The following ASAH2 variants were observed in gnomAD, a reference collection of about 807,000 sequenced individuals.
ASAH2 encodes N-acylsphingosine amidohydrolase 2.
ASAH2 carries 58 observed loss-of-function variants against 82.9 expected under a neutral mutation model. The observed-to-expected ratio is 0.70, with a 90% confidence interval of 0.57 to 0.87. ASAH2 has a LOEUF of 0.87. Among genes scored for constraint, ASAH2 ranks in the 40% least tolerant of loss-of-function variants. The pLI, the probability that ASAH2 is intolerant of heterozygous loss-of-function variation, is 0.00. For synonymous variants in ASAH2, 276 were observed against 289.7 expected (o/e 0.95, Z 0.48); for missense variants, 779 against 834.0 (o/e 0.93, Z 0.81).
In ASAH2 at chr10:50,235,989, G is replaced by A. The variant is rs1179935926; in HGVS notation, c.586C>T (p.His196Tyr). The change falls in exon 5 of 21, where the codon CAT (histidine) becomes TAT (tyrosine). Residue 196 changes from histidine (H) to tyrosine (Y), a missense_variant. This residue lies in a region of ASAH2 where 759 missense variants were observed against 755.2 expected (regional missense o/e 1.00). Transcript: ENST00000682911. Reference protein sequence around the residue: ...DNVILSGTHTHSGPAGYFQYT... With the variant: ...DNVILSGTHTYSGPAGYFQYT... ...TGGAAATATCCTGCAGGACCTGAAT[G>A]AGTGTGAGTGCCACTCAGGATGACA... 3 of 1,613,148 alleles carry A rather than the reference G, an allele frequency of 1.9e-6. No homozygotes were observed. Among genetic ancestry groups the A allele is most frequent in the African/African-American group, 2.7e-5 (2 of 74,870 alleles).
intron 16 of ASAH2, 42 bp downstream of exon 16, chr10:50,202,787 T>C (rs1845187817): frequency 1.6e-6 from 2 of 1,275,250 alleles, no homozygotes; most frequent in Non-Finnish European, 2.3e-6. Flanking sequence ...TAGTCTTTAC[T>C]GGGGTATAAT....
At chr10:50,210,414 A>T (rs1845421941) in intron 12 of ASAH2, among the ~76,000 whole-genome samples, 1 of 151,998 alleles carries the variant, frequency 6.6e-6, no homozygotes, top group Non-Finnish European at 1.5e-5. Context: ...GCAGGAGAAT[A>T]GCTTGAACTT....
chr10:50,222,846 A>G (rs1228695657), intron 7 of ASAH2, among the ~76,000 whole-genome samples: 1 of 152,182 alleles, frequency 6.6e-6, no homozygotes, highest in Non-Finnish European at 1.5e-5. Context: ...CAGTACTTAT[A>G]TTTTATTTTA....
At chr10:50,210,938 G>GA in intron 11 of ASAH2, 34 bp from the exon 12 acceptor site, 1 of 1,608,688 alleles carries the variant, frequency 6.2e-7, no homozygotes, top group Non-Finnish European at 8.5e-7. Flanking sequence ...AAACAAAAAT[G>GA]AAAAAGACAA....
intron 4 of ASAH2, 106 bp from the exon 5 acceptor site, chr10:50,236,170 T>C (rs1846155129): frequency 4.1e-6 from 4 of 964,434 alleles, no homozygotes; most frequent in East Asian, 4.8e-5. Flanking sequence ...ATAACATCTG[T>C]ATTAGTCCAT....
chr10:50,208,595 A>ATT (rs1845371681), intron 12 of ASAH2, among the ~76,000 whole-genome samples: 1 of 150,838 alleles, frequency 6.6e-6, no homozygotes, highest in Non-Finnish European at 1.5e-5. Context: ...ATAAACAACA[A>ATT]AAAATACAAA....
intron 9 of ASAH2, among the ~76,000 whole-genome samples, chr10:50,214,013 G>T (rs1250773522): frequency 1.3e-5 from 2 of 152,098 alleles, no homozygotes; most frequent in African/African-American, 4.8e-5. Flanking sequence ...AACATTGTGG[G>T]AGTTAAATAA....
intron 8 of ASAH2, among the ~76,000 whole-genome samples, chr10:50,217,011 G>T (rs1335510973): frequency 6.6e-6 from 1 of 152,120 alleles, no homozygotes; most frequent in African/African-American, 2.4e-5. Context: ...TTGTGGCATT[G>T]CTGAGAGCTG....
chr10:50,208,380 A>T (rs1050352126), intron 12 of ASAH2, among the ~76,000 whole-genome samples: 2 of 152,058 alleles, frequency 1.3e-5, no homozygotes, highest in African/African-American at 4.8e-5. Flanking sequence ...TTTCTATTTT[A>T]AGATGACATG....
Position 50,218,496 on chromosome 10 carries a change from A to G in ASAH2, c.1014+14T>C. On this transcript the variant is annotated intron_variant, in intron 8 of 20. Coordinates refer to ENST00000682911, the MANE Select transcript of ASAH2 (RefSeq NM_019893.4). ...GTGAATCAAGATGAAGCTTTCAATGATATAAATTCTCACCTGTCCAGGTAG... is the reference window on the plus strand; with the variant it reads ...GTGAATCAAGATGAAGCTTTCAATGGTATAAATTCTCACCTGTCCAGGTAG... 1.2e-6 allele frequency: 2 copies of G among 1,613,752 alleles called. No homozygotes were observed. The highest frequency in any genetic ancestry group is 1.7e-6 in the Non-Finnish European group (2 of 1,179,710).
chr10:50,211,872 C>A (rs1036061990), intron 10 of ASAH2, among the ~76,000 whole-genome samples: 1 of 152,040 alleles, frequency 6.6e-6, no homozygotes, highest in South Asian at 2.1e-4. Flanking sequence ...CTGCAGCCTG[C>A]CACTCTTAAT....
intron 18 of ASAH2, among the ~76,000 whole-genome samples, chr10:50,195,562 G>A (rs1423869798): frequency 1.3e-5 from 2 of 151,252 alleles, no homozygotes; most frequent in Non-Finnish European, 3.0e-5. Context: ...GAAAGGAAAT[G>A]AAATCAGTTT....
chr10:50,237,737 CT>C (rs994211952), intron 4 of ASAH2, among the ~76,000 whole-genome samples: 1 of 152,136 alleles, frequency 6.6e-6, no homozygotes, highest in African/African-American at 2.4e-5. Context: ...GCTGATTATG[CT>C]TTAATAAGCT....
chr10:50,221,062 C>T (rs1460296813), intron 7 of ASAH2, among the ~76,000 whole-genome samples: 4 of 152,084 alleles, frequency 2.6e-5, no homozygotes, highest in Non-Finnish European at 5.9e-5. Flanking sequence ...TGAATTCAGT[C>T]CCTGACATGG....
intron 17 of ASAH2, among the ~76,000 whole-genome samples, chr10:50,198,558 A>T (rs1845053049): frequency 6.6e-6 from 1 of 151,790 alleles, no homozygotes; most frequent in African/African-American, 2.4e-5. Flanking sequence ...TGATTGGAAA[A>T]TGCATCCCAA....
intron 16 of ASAH2, among the ~76,000 whole-genome samples, chr10:50,199,724 T>C (rs1458907954): frequency 1.3e-5 from 2 of 150,670 alleles, no homozygotes; most frequent in African/African-American, 4.9e-5. Flanking sequence ...GAATGTCATC[T>C]TTCCAGTCTC....
At chr10:50,218,791 A>C (rs1055593364) in intron 7 of ASAH2, among the ~76,000 whole-genome samples, 161 bp from the exon 8 acceptor site, 26 of 152,334 alleles carry the variant, frequency 1.7e-4, no homozygotes, top group Non-Finnish European at 3.5e-4. Context: ...TTAAAAATAC[A>C]ATGCAAAAAA....
chr10:50,193,640 G>T (rs1453752549), intron 18 of ASAH2, among the ~76,000 whole-genome samples: 6 of 150,826 alleles, frequency 4.0e-5, no homozygotes, highest in African/African-American at 1.2e-4. Context: ...GGGATGAGGG[G>T]TGCTGGGGGA....
At chr10:50,247,323 AT>A (rs34724803) in intron 2 of ASAH2, among the ~76,000 whole-genome samples, 73,772 of 147,794 alleles carry the variant, frequency 0.5, 18,609 homozygotes, top group East Asian at 0.66. Flanking sequence ...ACAAACAGCT[AT>A]TTTTTTTTTT....
Sources: gnomAD v4.1 joint callset for allele counts (sites outside exome capture counted in the v4.1 genomes callset) on GRCh38, gnomAD v4.1.1 for gene constraint, gnomAD v4.1.1 regional missense constraint, MANE v1.5 for transcripts, NCBI Gene and HGNC (gene_info 2026-07-23, HGNC 2026-07-21) for gene names.